CNTN6: variants seen among roughly 807,000 people sequenced by gnomAD.
CNTN6 encodes the protein contactin-6.
In CNTN6, 137 loss-of-function variants were observed where a neutral mutation model predicts 122.8. That is an observed-to-expected ratio of 1.12 (90% CI 0.97 to 1.29). CNTN6 has a LOEUF of 1.29. Ranked by LOEUF, CNTN6 falls within the 50% of genes most tolerant of loss-of-function variation. The probability of loss-of-function intolerance (pLI) is 0.00; values close to 1 mark genes in which losing one functional copy is unlikely to be tolerated. For synonymous variants in CNTN6, 570 were observed against 426.0 expected, an observed-to-expected ratio of 1.34 and a Z score of -4.16; for missense variants, 1,634 against 1,223.4, an observed-to-expected ratio of 1.34 and a Z score of -5.01.
chr3:1,214,273 A>G (rs1285669386), intron 2 of CNTN6, among the ~76,000 whole-genome samples: 1 of 147,864 alleles, frequency 6.8e-6, no homozygotes, highest in Non-Finnish European at 1.5e-5. Flanking sequence ...TTTAATGTTC[A>G]AATTGTTCAA....
intron 4 of CNTN6, among the ~76,000 whole-genome samples, chr3:1,250,328 C>T (rs1426210073): frequency 1.3e-5 from 2 of 152,170 alleles, no homozygotes; most frequent in East Asian, 3.9e-4. Flanking sequence ...CATCTCACTT[C>T]TACCTGTGGT....
At chr3:1,149,406 C>CATA (rs10675946) in intron 2 of CNTN6, among the ~76,000 whole-genome samples, 27,790 of 151,950 alleles carry the variant, frequency 0.18, 3,229 homozygotes, top group African/African-American at 0.32. Flanking sequence ...CAGGAATAAA[C>CATA]ATAATTTAAA....
chr3:1,245,268 T>TATAAC (rs1553639118), intron 4 of CNTN6, among the ~76,000 whole-genome samples: 572 of 5,510 alleles, frequency 0.1, 87 homozygotes, highest in Middle Eastern at 0.83. Flanking sequence ...CATATATATA[T>TATAAC]ATATATACAC....
chr3:1,295,580 G>A (rs756689435), intron 5 of CNTN6, 21 bp from the exon 6 acceptor site: 3 of 1,601,306 alleles, frequency 1.9e-6, no homozygotes, highest in South Asian at 1.1e-5. Flanking sequence ...GTTTTGTTTT[G>A]TTTTGTTTCT....
At chr3:1,314,101 C>G (rs1699775173) in intron 7 of CNTN6, among the ~76,000 whole-genome samples, 1 of 152,070 alleles carries the variant, frequency 6.6e-6, no homozygotes, top group South Asian at 2.1e-4. Flanking sequence ...ATTTACACCA[C>G]TCAGAGTAAA....
chr3:1,376,277 A>T (rs1448554210), intron 16 of CNTN6, among the ~76,000 whole-genome samples: 2 of 152,106 alleles, frequency 1.3e-5, no homozygotes, highest in Non-Finnish European at 2.9e-5. Flanking sequence ...TCTATGATCT[A>T]TTATTCATTG....
chr3:1,224,748 T>G (rs2094256784), intron 3 of CNTN6, among the ~76,000 whole-genome samples: 2 of 151,788 alleles, frequency 1.3e-5, no homozygotes, highest in South Asian at 4.1e-4. Flanking sequence ...CCATTATTCT[T>G]TTTTTGTTTT....
chr3:1,229,957 A>G (rs1031416626), intron 4 of CNTN6, among the ~76,000 whole-genome samples: 7 of 152,196 alleles, frequency 4.6e-5, no homozygotes, highest in African/African-American at 1.7e-4. Context: ...AGCAAGGACC[A>G]CAACATGGTG....
At chr3:1,308,393 T>C (rs949848762) in intron 7 of CNTN6, among the ~76,000 whole-genome samples, 1 of 151,728 alleles carries the variant, frequency 6.6e-6, no homozygotes, top group South Asian at 2.1e-4. Flanking sequence ...TTTCATGCCC[T>C]AGTCATAGAA....
At chr3:1,099,326 C>T (rs1189911030) in intron 1 of CNTN6, among the ~76,000 whole-genome samples, 2 of 151,798 alleles carry the variant, frequency 1.3e-5, no homozygotes, top group Admixed American at 6.6e-5. Context: ...TGGCGGGCGC[C>T]TGTAGTCCCA....
intron 7 of CNTN6, among the ~76,000 whole-genome samples, chr3:1,315,395 T>C (rs1436212642): frequency 6.6e-6 from 1 of 151,938 alleles, no homozygotes; most frequent in Non-Finnish European, 1.5e-5. Context: ...AATTAGAAGG[T>C]AGATCACAAT....
chr3:1,374,332 T>A (rs897891075), intron 16 of CNTN6, among the ~76,000 whole-genome samples: 4 of 152,102 alleles, frequency 2.6e-5, no homozygotes, highest in Admixed American at 2.0e-4. Flanking sequence ...TTGCATCGCA[T>A]CTATTTTCTA....
At chr3:1,366,935 A>T (rs1412312212) in intron 12 of CNTN6, among the ~76,000 whole-genome samples, 1 of 152,160 alleles carries the variant, frequency 6.6e-6, no homozygotes, top group Non-Finnish European at 1.5e-5. Flanking sequence ...TCTATTTTTC[A>T]CACTGCAGAT....
chr3:1,245,037 T>A (rs145943376), intron 4 of CNTN6, among the ~76,000 whole-genome samples: 7,154 of 148,336 alleles, frequency 0.048, 268 homozygotes, highest in East Asian at 0.14. Context: ...CATCTGGATG[T>A]ATACGTGCAA....
intron 12 of CNTN6, among the ~76,000 whole-genome samples, chr3:1,362,159 C>T (rs923184303): frequency 6.6e-6 from 1 of 152,076 alleles, no homozygotes; most frequent in African/African-American, 2.4e-5. Flanking sequence ...ATATCAGTTT[C>T]GGACCAGCTT....
intron 22 of CNTN6, chr3:1,402,689 A>C (rs1695880950): frequency 2.4e-6 from 1 of 410,586 alleles, no homozygotes; most frequent in Non-Finnish European, 4.3e-6. Context: ...ATGCTTCCTC[A>C]TTTGAAAACC....
At chr3:1,247,450 G>GT (rs200929970) in intron 4 of CNTN6, among the ~76,000 whole-genome samples, 3 of 137,132 alleles carry the variant, frequency 2.2e-5, no homozygotes, top group African/African-American at 8.2e-5. Flanking sequence ...AGACTATATG[G>GT]TTTAAAAAAA....
intron 12 of CNTN6, 79 bp downstream of exon 12, chr3:1,352,530 C>G (rs1052976694): frequency 4.0e-6 from 6 of 1,518,258 alleles, no homozygotes; most frequent in Middle Eastern, 1.7e-4. Context: ...TGGTGTCAAA[C>G]CTGTACCATA....
intron 4 of CNTN6, among the ~76,000 whole-genome samples, chr3:1,235,007 G>A (rs554122896): frequency 6.6e-6 from 1 of 152,304 alleles, no homozygotes; most frequent in African/African-American, 2.4e-5. Flanking sequence ...AATCAACAGG[G>A]AAGTAGATTA....
Sources: allele counts gnomAD v4.1 joint callset (sites outside exome capture counted in the v4.1 genomes callset), GRCh38; gene constraint gnomAD v4.1.1; transcripts MANE v1.5; gene names NCBI Gene and HGNC (gene_info 2026-07-23, HGNC 2026-07-21).